COL9A3: variants seen among roughly 807,000 people sequenced by gnomAD.
The protein encoded by COL9A3 is collagen alpha-3(IX) chain.
A neutral mutation model predicts 110.2 loss-of-function variants in COL9A3; 82 were observed. The observed-to-expected ratio is 0.74, with a 90% CI of 0.62 to 0.89. The LOEUF is 0.89. Among genes scored for constraint, COL9A3 ranks in the 40% least tolerant of loss-of-function variants. The probability of loss-of-function intolerance (pLI) is 0.00; values close to 1 mark genes in which losing one functional copy is unlikely to be tolerated. For synonymous variants in COL9A3, 494 were observed against 403.8 expected (o/e 1.22, Z -2.68); for missense variants, 1,066 against 981.3 (o/e 1.09, Z -1.15).
Position 62,818,507 on chromosome 20 carries a change from T to A in COL9A3, c.148-11T>A. ...ATTTTCAGGGTTACATGTGGGTGTC[T>A]TTCCTCACAGGGAGAAGCTGGTCCT... On this transcript the variant is annotated splice_polypyrimidine_tract_variant and intron_variant, in intron 2 of 31. Transcript: ENST00000649368. The A allele has an allele frequency of 6.2e-7, 1 of 1,612,902 alleles. No homozygotes were observed.
Position 62,832,190 on chromosome 20 carries a change from G to T in COL9A3, c.1323+1G>T. The T allele has an allele frequency of 6.2e-7, 1 of 1,612,820 alleles. No homozygotes were observed. Among genetic ancestry groups the T allele is most frequent in the Non-Finnish European group, 8.5e-7 (1 of 1,179,700 alleles). On this transcript the variant is annotated splice_donor_variant, in intron 25 of 31. Transcript: ENST00000649368. LOFTEE classifies it high-confidence loss of function. ...TGCCGCAGGCCCTAAGGGAGACCAG[G>T]TGAGCTGGGCACAGGCTGGGGCAAA...
At chr20:62,832,315 G>C in intron 25 of COL9A3, 126 bp downstream of exon 25, 1 of 951,080 alleles carries the variant, frequency 1.1e-6, no homozygotes, top group Non-Finnish European at 1.6e-6. Context: ...TTCTCCTCTT[G>C]CCGTGTCTGT....
intron 26 of COL9A3, among the ~76,000 whole-genome samples, chr20:62,833,910 C>T (rs1241710484): frequency 2.0e-5 from 3 of 151,128 alleles, no homozygotes; most frequent in Non-Finnish European, 2.9e-5. Context: ...GATGGAGTCT[C>T]GCTCTTTCGC....
intron 12 of COL9A3, 89 bp from the exon 13 acceptor site, chr20:62,825,728 G>T: frequency 7.4e-7 from 1 of 1,355,932 alleles, no homozygotes; most frequent in South Asian, 1.2e-5. Context: ...ACCCCCAGCT[G>T]CTTGGGCTTG....
chr20:62,826,350 C>A, intron 14 of COL9A3, 93 bp downstream of exon 14: 2 of 1,217,786 alleles, frequency 1.6e-6, no homozygotes, highest in Non-Finnish European at 2.3e-6. Context: ...GTGAGTGACA[C>A]TCTGAAGCAG....
rs952142047 is a variant in COL9A3, at chr20:62,840,799, G to C, written c.*67G>C. 1 of 1,533,090 alleles carries C rather than the reference G, an allele frequency of 6.5e-7. No individual in the cohort carries two copies. The highest frequency in any genetic ancestry group is 8.8e-7 in the Non-Finnish European group (1 of 1,130,994). 95.0% of individuals were successfully genotyped at this position (1,533,090 alleles called of 1,614,324 possible). A position where few individuals can be genotyped will look rare whatever the true frequency, so the allele number is the denominator to read the frequency against. ...CAGTGGACGGTCATGAAGGAGCGGG[G>C]GTGTGGCAGGCGGGTGACGTCCAGG... On this transcript the variant is annotated 3_prime_UTR_variant, in exon 32 of 32. Coordinates refer to ENST00000649368, the MANE Select transcript of COL9A3 (RefSeq NM_001853.4).
chr20:62,824,577 G>A (rs1368631051), intron 11 of COL9A3, 76 bp downstream of exon 11: 1 of 1,440,178 alleles, frequency 6.9e-7, no homozygotes, highest in Admixed American at 2.0e-5. Context: ...TGGGGCTGTG[G>A]AGGTGGCGGG....
intron 9 of COL9A3, among the ~76,000 whole-genome samples, 171 bp from the exon 10 acceptor site, chr20:62,822,420 G>C (rs1437831316): frequency 6.6e-6 from 1 of 152,074 alleles, no homozygotes; most frequent in African/African-American, 2.4e-5. Flanking sequence ...CATGCCCTGT[G>C]GGTGGGCCAG....
chr20:62,816,914 G>C (rs1466812375), upstream of COL9A3: 1 of 330,050 alleles, frequency 3.0e-6, no homozygotes, highest in Admixed American at 5.2e-5. Context: ...GCGCGGGGCG[G>C]GTGGAAGCCC....
Position 62,819,981 on chromosome 20 carries a change from G to A in COL9A3, c.308G>A (p.Arg103Gln), listed in dbSNP as rs142639450. The A allele has an allele frequency of 0.014, 23,376 of 1,612,462 alleles. 279 individuals are homozygous for A. The highest frequency in any genetic ancestry group is 0.042 in the South Asian group (3,812 of 91,066). Residue 103 changes from arginine (R) to glutamine (Q), a missense_variant and splice_region_variant, in exon 5 of 32, where the codon CGG becomes CAG. Transcript: ENST00000649368. Reference protein sequence around the residue: ...PPGPKGAPGERGSLGPPGPPG... With the variant: ...PPGPKGAPGEQGSLGPPGPPG... ...GGACCCAAGGGTGCCCCTGGGGAAC[G>A]GGTAAGTGCCTGCGCCGAACCCAGT...
intron 28 of COL9A3, 36 bp from the exon 29 acceptor site, chr20:62,836,442 G>A (rs763011577): frequency 1.8e-5 from 29 of 1,613,318 alleles, no homozygotes; most frequent in Non-Finnish European, 2.3e-5. Flanking sequence ...CGAGGCTGCC[G>A]CCCCCATGCT....
chr20:62,832,221 T>G (rs201417722), intron 25 of COL9A3, 32 bp downstream of exon 25: 1 of 1,610,590 alleles, frequency 6.2e-7, no homozygotes, highest in East Asian at 2.2e-5. Context: ...GCAAAAGGAA[T>G]GAAGGCAAAG....
chr20:62,837,030 T>C (rs1478900403), intron 29 of COL9A3, 53 bp from the exon 30 acceptor site: 1 of 1,597,820 alleles, frequency 6.3e-7, no homozygotes, highest in African/African-American at 1.3e-5. Context: ...TACGTAACAA[T>C]ACTTCTGATG....
chr20:62,825,299 G>A (rs758006280), intron 12 of COL9A3, among the ~76,000 whole-genome samples: 2 of 152,168 alleles, frequency 1.3e-5, no homozygotes, highest in Non-Finnish European at 2.9e-5. Context: ...TTTAGGCAGG[G>A]TCCCTGGACA....
rs1338187788 is a variant in COL9A3, at chr20:62,836,342, C to T, written c.1548+9C>T. The T allele has an allele frequency of 1.7e-5, 28 of 1,613,686 alleles. No homozygotes were observed. Among genetic ancestry groups the T allele is most frequent in the Non-Finnish European group, 2.4e-5 (28 of 1,180,028 alleles). On this transcript the variant is annotated intron_variant, in intron 28 of 31. Transcript: ENST00000649368. ...GGAAGCCGGGAGTTCCGGTACGTCG[C>T]TTTTCCGGCTTTTCCAGCTTTCACA... is the stretch of plus-strand genomic sequence containing the variant.
chr20:62,822,312 G>T, intron 9 of COL9A3, 148 bp downstream of exon 9: 1 of 715,334 alleles, frequency 1.4e-6, no homozygotes, highest in Non-Finnish European at 2.6e-6. Context: ...CAATGGTGGG[G>T]GCAGTGGCTG....
intron 26 of COL9A3, 91 bp from the exon 27 acceptor site, chr20:62,835,830 T>G (rs964851366): frequency 7.7e-7 from 1 of 1,290,948 alleles, no homozygotes; most frequent in Admixed American, 1.7e-5. Flanking sequence ...AGCAGGTGTG[T>G]GGATGATTTG....
chr20:62,836,268 C>T lies in COL9A3; in HGVS notation c.1483C>T (p.Pro495Ser). Residue 495 changes from proline to serine, a missense_variant, in exon 28 of 32, where the codon CCC (proline) becomes TCC (serine). Pro to Ser is a moderately conservative substitution (Grantham distance 74). Transcript: ENST00000649368. ...TSGVQGVPGP[P>S]GPLGLQGVPG... ...CGGTGTTCAGGGTGTCCCCGGGCCC[C>T]CCGGTCCTCTGGGCCTGCAGGGCGT... The T allele has an allele frequency of 6.2e-7, 1 of 1,613,854 alleles. No individual in the cohort carries two copies. The highest frequency in any genetic ancestry group is 8.5e-7 in the Non-Finnish European group (1 of 1,179,996).
At chr20:62,820,925 G>A (rs1324388658) in intron 5 of COL9A3, among the ~76,000 whole-genome samples, 1 of 152,156 alleles carries the variant, frequency 6.6e-6, no homozygotes, top group Non-Finnish European at 1.5e-5. Flanking sequence ...TCACTTCGGT[G>A]CCTCTCAGCC....
Sources: gnomAD v4.1 joint callset for allele counts (sites outside exome capture counted in the v4.1 genomes callset) on GRCh38, gnomAD v4.1.1 for gene constraint, MANE v1.5 for transcripts, NCBI Gene and HGNC (gene_info 2026-07-23, HGNC 2026-07-21) for gene names.